TRAF3: variants seen among roughly 807,000 people sequenced by gnomAD.
TRAF3 encodes TNF receptor-associated factor 3.
A neutral mutation model predicts 62.3 loss-of-function variants in TRAF3; 13 were observed. That is an observed-to-expected ratio of 0.21 (90% CI 0.14 to 0.33). The LOEUF (loss-of-function observed/expected upper bound fraction) is 0.33. Among genes scored for constraint, TRAF3 ranks in the 10% least tolerant of loss-of-function variants. The pLI, the probability that TRAF3 is intolerant of heterozygous loss-of-function variation, is 1.00. For synonymous variants in TRAF3, 269 were observed against 283.4 expected (o/e 0.95, Z 0.51); for missense variants, 440 against 741.8 (o/e 0.59, Z 4.73).
chr14:102,887,834 AT>A (rs1889486727), intron 7 of TRAF3, among the ~76,000 whole-genome samples: 1 of 151,994 alleles, frequency 6.6e-6, no homozygotes, highest in South Asian at 2.1e-4. Flanking sequence ...TGACCTCGTG[AT>A]TTGCCCGCCT....
intron 1 of TRAF3, among the ~76,000 whole-genome samples, chr14:102,823,647 T>C (rs557051586): frequency 2.0e-5 from 3 of 152,344 alleles, no homozygotes; most frequent in African/African-American, 7.2e-5. Flanking sequence ...CTTGTTGTTT[T>C]TTAATTGATT....
chr14:102,885,829 G>C (rs10132144), intron 6 of TRAF3, among the ~76,000 whole-genome samples: 8,299 of 152,248 alleles, frequency 0.055, 323 homozygotes, highest in African/African-American at 0.11. Context: ...TGAGTGCTGT[G>C]TGAGTGGCCA....
intron 1 of TRAF3, among the ~76,000 whole-genome samples, chr14:102,778,597 CTGTGTG>C (rs3830958): frequency 6.6e-6 from 1 of 151,304 alleles, no homozygotes; most frequent in African/African-American, 2.4e-5. Context: ...GTGTGTGTGC[CTGTGTG>C]TGTGTATGGA....
At chr14:102,870,475 G>A (rs775848428) in intron 3 of TRAF3, 29 bp downstream of exon 3, 13 of 1,610,034 alleles carry the variant, frequency 8.1e-6, no homozygotes, top group South Asian at 6.6e-5. Flanking sequence ...CCCGTCGCCC[G>A]GCCCCTTCTC....
At chr14:102,847,155 A>C (rs1313883779) in intron 2 of TRAF3, among the ~76,000 whole-genome samples, 2 of 152,046 alleles carry the variant, frequency 1.3e-5, no homozygotes, top group African/African-American at 2.4e-5. Context: ...ATATTATAGA[A>C]ATTTACCTTT....
chr14:102,816,677 T>G (rs1899545018), intron 1 of TRAF3, among the ~76,000 whole-genome samples: 1 of 152,242 alleles, frequency 6.6e-6, no homozygotes, highest in Admixed American at 6.5e-5. Flanking sequence ...CATGGTTGAT[T>G]ATATGATGAT....
intron 2 of TRAF3, among the ~76,000 whole-genome samples, chr14:102,856,955 G>A (rs139371556): frequency 7.3e-4 from 111 of 152,332 alleles, no homozygotes; most frequent in African/African-American, 2.5e-3. Flanking sequence ...TAAGTGTTCA[G>A]TTTAAGAAAA....
intron 10 of TRAF3, among the ~76,000 whole-genome samples, chr14:102,898,173 C>T (rs2139978002): frequency 6.6e-6 from 1 of 152,320 alleles, no homozygotes; most frequent in Non-Finnish European, 1.5e-5. Context: ...GTCATGGCAT[C>T]TTTGAGAATG....
At chr14:102,811,447 C>T (rs1899133239) in intron 1 of TRAF3, among the ~76,000 whole-genome samples, 1 of 151,682 alleles carries the variant, frequency 6.6e-6, no homozygotes, top group Non-Finnish European at 1.5e-5. Flanking sequence ...CCTCAGCCTC[C>T]TGAGTAGCTG....
chr14:102,886,369 C>T (rs573117314), intron 7 of TRAF3, 100 bp downstream of exon 7: 101 of 1,060,088 alleles, frequency 9.5e-5, no homozygotes, highest in African/African-American at 2.2e-4. Flanking sequence ...TTTCCCAGTT[C>T]GTGAGAGTCA....
intron 5 of TRAF3, among the ~76,000 whole-genome samples, chr14:102,876,116 T>C (rs1888633482): frequency 6.6e-6 from 1 of 152,220 alleles, no homozygotes; most frequent in Non-Finnish European, 1.5e-5. Flanking sequence ...TTAGCAGATA[T>C]TCATTTATCC....
chr14:102,800,764 A>G (rs967906126), intron 1 of TRAF3, among the ~76,000 whole-genome samples: 1 of 150,720 alleles, frequency 6.6e-6, no homozygotes, highest in Non-Finnish European at 1.5e-5. Flanking sequence ...GGTGTGATCA[A>G]AGCTCTCTGC....
At position 102,872,330 on chromosome 14, in the gene TRAF3, C is replaced by G. The variant is rs190082328; in HGVS notation, c.297+362C>G. ...TGTGGTTGGGTCACTTCCGTCATTGCAGGTCTTTATCCCAGACAGCTTCTA... is the reference window on the plus strand; with the variant it reads ...TGTGGTTGGGTCACTTCCGTCATTGGAGGTCTTTATCCCAGACAGCTTCTA... On this transcript the variant is annotated intron_variant, in intron 4 of 11. Coordinates refer to ENST00000392745, the MANE Select transcript of TRAF3 (RefSeq NM_145725.3). Among the ~76,000 whole-genome samples the G allele has an allele frequency of 3.3e-5, 5 of 152,352 alleles. No individual in the cohort carries two copies. In the East Asian group the frequency reaches 9.6e-4, roughly 29 times the overall value.
chr14:102,817,706 G>C (rs569967746), intron 1 of TRAF3, among the ~76,000 whole-genome samples: 1 of 152,226 alleles, frequency 6.6e-6, no homozygotes, highest in Non-Finnish European at 1.5e-5. Flanking sequence ...AATACAAAAT[G>C]TAATACTTCA....
In TRAF3 at chr14:102,836,701, A is replaced by G. The variant is rs542906780; in HGVS notation, c.-18+6229A>G. On this transcript the variant is annotated intron_variant, in intron 2 of 11. Transcript: ENST00000392745. The stretch of plus-strand genomic sequence containing the variant: ...GAAGTAAATTTATTCTAGAGAGTTT[A>G]TATAGCATGAAGAATATTACAATCA... Among the ~76,000 whole-genome samples, 5 of 152,364 alleles carry G rather than the reference A, an allele frequency of 3.3e-5. No homozygotes were observed. In the South Asian group the frequency reaches 1.0e-3, roughly 32 times the overall value.
At chr14:102,792,896 C>T (rs890269522) in intron 1 of TRAF3, among the ~76,000 whole-genome samples, 11 of 151,654 alleles carry the variant, frequency 7.3e-5, no homozygotes, top group African/African-American at 2.4e-4. Flanking sequence ...GGCTGGAGTG[C>T]AGTGGTGCGA....
chr14:102,792,432 ATTT>A (rs35496572), intron 1 of TRAF3, among the ~76,000 whole-genome samples: 52 of 122,714 alleles, frequency 4.2e-4, no homozygotes, highest in Non-Finnish European at 6.9e-4. Context: ...CAGTTAATTG[ATTT>A]TTTTTTTTTT....
At chr14:102,795,128 T>TA (rs1196022540) in intron 1 of TRAF3, among the ~76,000 whole-genome samples, 1 of 152,168 alleles carries the variant, frequency 6.6e-6, no homozygotes, top group Non-Finnish European at 1.5e-5. Flanking sequence ...TGTTTATATA[T>TA]AAAAGTGTGG....
At chr14:102,900,726 T>A (rs1011058740) in intron 10 of TRAF3, among the ~76,000 whole-genome samples, 16 of 152,324 alleles carry the variant, frequency 1.1e-4, no homozygotes, top group Admixed American at 9.8e-4. Flanking sequence ...CGCAGTGGCC[T>A]GAGAGTGAGG....
Sources: allele counts gnomAD v4.1 joint callset (sites outside exome capture counted in the v4.1 genomes callset), GRCh38; gene constraint gnomAD v4.1.1; transcripts MANE v1.5; gene names NCBI Gene and HGNC (gene_info 2026-07-23, HGNC 2026-07-21).